The following MS4A3 variants were observed in gnomAD, a reference collection of about 807,000 sequenced individuals.
The protein encoded by MS4A3 is membrane-spanning 4-domains subfamily A member 3.
Under a neutral mutation model 24.7 loss-of-function variants are expected in MS4A3, and 18 were observed. The observed-to-expected ratio is 0.73, with a 90% confidence interval of 0.50 to 1.08. The LOEUF (loss-of-function observed/expected upper bound fraction) is 1.08, where lower values mean the gene tolerates loss of function less well. Ranked by LOEUF, MS4A3 falls within the 50% of genes least tolerant of loss-of-function variation. MS4A3 has a pLI of 0.00. For synonymous variants in MS4A3, 84 were observed against 95.3 expected (o/e 0.88, Z 0.69); for missense variants, 282 against 251.7 (o/e 1.12, Z -0.82).
At chr11:60,062,264 A>G (rs1005702158) in intron 2 of MS4A3, among the ~76,000 whole-genome samples, 3 of 152,168 alleles carry the variant, frequency 2.0e-5, no homozygotes, top group African/African-American at 7.2e-5. Flanking sequence ...GGAGAGGTGA[A>G]GACAAAATGC....
chr11:60,058,589 G>C (rs1855213567), intron 1 of MS4A3, among the ~76,000 whole-genome samples: 1 of 149,896 alleles, frequency 6.7e-6, no homozygotes, highest in Non-Finnish European at 1.5e-5. Context: ...AGCTTGAGGG[G>C]ACTTGTCTTT....
At chr11:60,059,627 T>C (rs1855240971) in intron 1 of MS4A3, among the ~76,000 whole-genome samples, 1 of 152,166 alleles carries the variant, frequency 6.6e-6, no homozygotes, top group South Asian at 2.1e-4. Context: ...AGTGAGAATA[T>C]GTGGTATTTG....
At chr11:60,068,498 C>T (rs1203788301) in intron 5 of MS4A3, among the ~76,000 whole-genome samples, 2 of 151,328 alleles carry the variant, frequency 1.3e-5, no homozygotes, top group African/African-American at 4.9e-5. Context: ...GTGATCCGCC[C>T]GCCTCTGCCT....
chr11:60,064,275 G>C lies in MS4A3; in HGVS notation c.308G>C (p.Gly103Ala). 1 of 1,604,228 alleles carries C rather than the reference G, an allele frequency of 6.2e-7. No individual in the cohort carries two copies. The highest frequency in any genetic ancestry group is 8.5e-7 in the Non-Finnish European group (1 of 1,175,446). Residue 103 changes from glycine (G) to alanine (A), a missense_variant, in exon 4 of 7, where the codon GGA (glycine) becomes GCA (alanine). Physicochemically the swap from Gly to Ala is moderately conservative, Grantham distance 60. Coordinates refer to ENST00000278865, the MANE Select transcript of MS4A3 (RefSeq NM_006138.5). Reference sequence around the variant, plus strand: ...ATTTTCAAACAGTTCTGTAGTTCAGGAACCTTGTCTGTTGTAGCAGGGATA... The same window carrying C: ...ATTTTCAAACAGTTCTGTAGTTCAGCAACCTTGTCTGTTGTAGCAGGGATA... The part of the protein sequence containing the change: ...IWGAVFFCSS[G>A]TLSVVAGIKP...
intron 1 of MS4A3, among the ~76,000 whole-genome samples, chr11:60,060,500 G>T (rs1855254368): frequency 1.3e-5 from 2 of 152,108 alleles, no homozygotes; most frequent in South Asian, 4.1e-4. Flanking sequence ...TACTCAGAAA[G>T]ACGTCTTCTA....
chr11:60,065,214 C>CTT (rs143084907), intron 4 of MS4A3, among the ~76,000 whole-genome samples: 44 of 128,104 alleles, frequency 3.4e-4, no homozygotes, highest in African/African-American at 9.7e-4. Context: ...TAATTTTTGT[C>CTT]TTTTTTTTTT....
At chr11:60,068,910 GTT>G in intron 5 of MS4A3, among the ~76,000 whole-genome samples, 1 of 151,894 alleles carries the variant, frequency 6.6e-6, no homozygotes, top group East Asian at 1.9e-4. Context: ...GCGTCCAAGT[GTT>G]CTCATTGTTC....
intron 1 of MS4A3, among the ~76,000 whole-genome samples, chr11:60,057,037 G>T (rs1280320161): frequency 6.6e-6 from 1 of 152,172 alleles, no homozygotes; most frequent in Non-Finnish European, 1.5e-5. Flanking sequence ...ACCTGAGTTT[G>T]TCTGCCAGCT....
At chr11:60,062,363 A>G (rs1222675690) in intron 2 of MS4A3, 105 bp from the exon 3 acceptor site, 2 of 1,390,512 alleles carry the variant, frequency 1.4e-6, no homozygotes, top group Non-Finnish European at 2.0e-6. Context: ...CACTTTAACC[A>G]TTTCAAGCAC....
chr11:60,056,703 G>A lies in MS4A3; in HGVS notation c.-53G>A, dbSNP rs1855174966. The A allele has an allele frequency of 1.3e-5, 2 of 152,210 alleles. No homozygotes were observed. Among genetic ancestry groups the A allele is most frequent in the Non-Finnish European group, 2.9e-5 (2 of 68,060 alleles). 9.4% of individuals were successfully genotyped at this position (152,210 alleles called of 1,614,324 possible). A position where few individuals can be genotyped will look rare whatever the true frequency, so the allele number is the denominator to read the frequency against. Reference sequence around the variant, plus strand: ...CTCCTACTTGCGACAAGGTGGACTTGGGAGGAAAGCCGTCTGCCAAAGCCT... The same window carrying A: ...CTCCTACTTGCGACAAGGTGGACTTAGGAGGAAAGCCGTCTGCCAAAGCCT... On this transcript the variant is annotated 5_prime_UTR_variant, in exon 1 of 7. Transcript: ENST00000278865.
chr11:60,066,640 C>G (rs1472584178), intron 4 of MS4A3, among the ~76,000 whole-genome samples: 1 of 152,158 alleles, frequency 6.6e-6, no homozygotes. Flanking sequence ...TCATGAACCC[C>G]CACTCCTCTC....
At position 60,062,443 on chromosome 11, in the gene MS4A3, G is replaced by A. The variant is rs199907211; in HGVS notation, c.157-25G>A. ...GTCCACTTTAGTATATGACTGTTAC[G>A]CCTTTTTCCCCTTTCTTCTTTCAGG... On this transcript the variant is annotated intron_variant, in intron 2 of 6. Coordinates refer to ENST00000278865, the MANE Select transcript of MS4A3 (RefSeq NM_006138.5). The A allele has an allele frequency of 2.3e-4, 371 of 1,613,584 alleles. 1 individual carries two copies. Among genetic ancestry groups the A allele is most frequent in the Middle Eastern group, 9.9e-4 (6 of 6,056 alleles).
At chr11:60,059,960 C>A (rs1158018067) in intron 1 of MS4A3, among the ~76,000 whole-genome samples, 4 of 152,176 alleles carry the variant, frequency 2.6e-5, no homozygotes, top group Admixed American at 6.5e-5. Context: ...TCATCTCATG[C>A]CATCTCCCTC....
intron 4 of MS4A3, 77 bp downstream of exon 4, chr11:60,064,395 C>A (rs1399608208): frequency 5.5e-6 from 6 of 1,095,748 alleles, no homozygotes; most frequent in African/African-American, 1.6e-5. Context: ...CAGTAAGTGT[C>A]CATGAATACA....
intron 2 of MS4A3, 188 bp downstream of exon 2, chr11:60,061,504 A>G (rs888552201): frequency 1.6e-5 from 11 of 709,072 alleles, no homozygotes; most frequent in Non-Finnish European, 2.2e-5. Flanking sequence ...TTCAACGTGA[A>G]GAGGATGAGG....
chr11:60,070,644 A>G lies in MS4A3; in HGVS notation c.*411A>G, dbSNP rs1346219294. ...CAACTTCTGACCGCCCAGTAGGAAG[A>G]AAAATGAGACATTTTTTCCATTACA... On this transcript the variant is annotated 3_prime_UTR_variant, in exon 7 of 7. Coordinates refer to ENST00000278865, the MANE Select transcript of MS4A3 (RefSeq NM_006138.5). 1 of 156,270 alleles carries G rather than the reference A, an allele frequency of 6.4e-6. No homozygotes were observed. Among genetic ancestry groups the G allele is most frequent in the Non-Finnish European group, 1.4e-5 (1 of 70,918 alleles). 9.7% of individuals were successfully genotyped at this position (156,270 alleles called of 1,614,324 possible). A position where few individuals can be genotyped will look rare whatever the true frequency, so the allele number is the denominator to read the frequency against.
chr11:60,062,378 AT>A lies in MS4A3; in HGVS notation c.157-89del, dbSNP rs1250192821. On this transcript the variant is annotated intron_variant, in intron 2 of 6. Transcript: ENST00000278865. ...CACTTTAACCATTTCAAGCACCGAC[AT>A]CTCCTTTCTGAGGAAAATTAAAATG... 3.1e-5 allele frequency: 47 copies of A among 1,494,722 alleles called. No individual in the cohort carries two copies. The African/African-American group carries it at 4.8e-4, about 15-fold the overall frequency. The allele number at this position is 1,494,722 out of a possible 1,614,324, so 92.6% of individuals were successfully genotyped here.
At chr11:60,061,432 C>A in intron 2 of MS4A3, 116 bp downstream of exon 2, 1 of 1,255,786 alleles carries the variant, frequency 8.0e-7, no homozygotes, top group Non-Finnish European at 1.1e-6. Context: ...TTTCTTCCAC[C>A]TCTGTTTGCC....
At position 60,070,554 on chromosome 11, in the gene MS4A3, T is replaced by C. The variant is rs1487908087; in HGVS notation, c.*321T>C. ...TATTTCTTCTTATCCACCTACTCCA[T>C]TGCTTTATGAGGTTTAAGGAAGGAA... On this transcript the variant is annotated 3_prime_UTR_variant, in exon 7 of 7. Coordinates refer to ENST00000278865, the MANE Select transcript of MS4A3 (RefSeq NM_006138.5). 4 of 261,934 alleles carry C rather than the reference T, an allele frequency of 1.5e-5. No individual in the cohort carries two copies. In the South Asian group the frequency reaches 2.4e-4, roughly 16 times the overall value. The allele number at this position is 261,934 out of a possible 1,614,324, so 16.2% of individuals were successfully genotyped here. A position where few individuals can be genotyped will look rare whatever the true frequency, so the allele number is the denominator to read the frequency against.
Sources: allele counts gnomAD v4.1 joint callset (sites outside exome capture counted in the v4.1 genomes callset), GRCh38; gene constraint gnomAD v4.1.1; transcripts MANE v1.5; gene names NCBI Gene and HGNC (gene_info 2026-07-23, HGNC 2026-07-21).